The following NBEA variants were observed in gnomAD, a reference collection of about 807,000 sequenced individuals.
The protein encoded by NBEA is lysosomal-trafficking regulator 2.
A neutral mutation model predicts 343.4 loss-of-function variants in NBEA; 44 were observed. The ratio of observed to expected loss-of-function variants is 0.13; its 90% CI spans 0.10 to 0.16. NBEA has a LOEUF of 0.16. Among genes scored for constraint, NBEA ranks in the 10% least tolerant of loss-of-function variants. The probability of loss-of-function intolerance (pLI) is 1.00; values close to 1 mark genes in which losing one functional copy is unlikely to be tolerated. For synonymous variants in NBEA, 1,175 were observed against 1,238.7 expected (o/e 0.95, Z 1.08); for missense variants, 2,555 against 3,631.3 (o/e 0.70, Z 7.62).
chr13:35,523,170 A>G (rs1393515873), intron 41 of NBEA, among the ~76,000 whole-genome samples: 1 of 152,160 alleles, frequency 6.6e-6, no homozygotes, highest in Non-Finnish European at 1.5e-5. Flanking sequence ...TATACAAAAT[A>G]CTGTGCCAGA....
chr13:35,026,292 G>T (rs908296045), intron 1 of NBEA, among the ~76,000 whole-genome samples: 1 of 152,014 alleles, frequency 6.6e-6, no homozygotes, highest in Non-Finnish European at 1.5e-5. Context: ...TTTATAAATT[G>T]CCCAGTCTCA....
intron 38 of NBEA, among the ~76,000 whole-genome samples, chr13:35,414,527 A>G (rs1167578092): frequency 2.0e-5 from 3 of 152,270 alleles, no homozygotes; most frequent in East Asian, 3.9e-4. Flanking sequence ...GATGGTTTCC[A>G]GCTTCATCCA....
intron 34 of NBEA, among the ~76,000 whole-genome samples, chr13:35,243,710 A>G (rs1419317120): frequency 6.6e-6 from 1 of 151,956 alleles, no homozygotes; most frequent in Non-Finnish European, 1.5e-5. Context: ...TGTAACAACT[A>G]TAAATTTATA....
chr13:35,147,712 A>G (rs2068522037), intron 18 of NBEA, among the ~76,000 whole-genome samples: 1 of 152,154 alleles, frequency 6.6e-6, no homozygotes, highest in Admixed American at 6.6e-5. Flanking sequence ...CCTAATTCCA[A>G]CTAATTAGTT....
chr13:35,110,145 C>A (rs567869350), intron 12 of NBEA, among the ~76,000 whole-genome samples: 1 of 147,886 alleles, frequency 6.8e-6, no homozygotes. Flanking sequence ...CATGCTGGTG[C>A]GCTGCACCCA....
chr13:35,065,550 C>G (rs1431104917), intron 8 of NBEA, among the ~76,000 whole-genome samples: 1 of 151,772 alleles, frequency 6.6e-6, no homozygotes, highest in Non-Finnish European at 1.5e-5. Context: ...CTTCTATTTC[C>G]TTGCTTTGGT....
rs775029634 is a variant in NBEA, at chr13:35,155,841, A to G, written c.2513A>G (p.Lys838Arg). 1 of 1,611,372 alleles carries G rather than the reference A, an allele frequency of 6.2e-7. No individual in the cohort carries two copies. The highest frequency in any genetic ancestry group is 1.1e-5 in the South Asian group (1 of 91,022). The change falls in exon 19 of 59, where the codon AAA becomes AGA. Residue 838 changes from lysine to arginine, a missense_variant. By Grantham distance (26) the Lys-to-Arg change is conservative. Transcript: ENST00000379939. ...KPHPEPDSTV[K>R]IQNPMILKVV... ...CATCCAGAGCCAGATTCTACAGTGA[A>G]AATTCAGAATCCAAGTGAGCAAATG...
chr13:35,318,085 G>A (rs1163648023), intron 36 of NBEA, among the ~76,000 whole-genome samples: 3 of 151,702 alleles, frequency 2.0e-5, no homozygotes, highest in East Asian at 3.9e-4. Flanking sequence ...ATTTGAATAC[G>A]CTTTATTTCT....
At chr13:35,009,626 A>G (rs547205038) in intron 1 of NBEA, among the ~76,000 whole-genome samples, 30 of 152,236 alleles carry the variant, frequency 2.0e-4, no homozygotes, top group Non-Finnish European at 2.2e-4. Flanking sequence ...TTTTATTAGA[A>G]CAGAGTTGGG....
rs2067907332 is a variant in NBEA, at chr13:35,138,981, T to C, written c.2337-3288T>C. ...TAATGATTATGTCTGGGTTGAAGAA[T>C]TATGGGGTTTCTTTTCTTTCTTTAT... On this transcript the variant is annotated intron_variant, in intron 17 of 58. Transcript: ENST00000379939. Among the ~76,000 whole-genome samples the C allele has an allele frequency of 2.0e-5, 3 of 152,018 alleles. No individual in the cohort carries two copies. In the South Asian group the frequency reaches 6.2e-4, roughly 32 times the overall value.
chr13:35,141,159 C>G (rs975699437), intron 17 of NBEA, among the ~76,000 whole-genome samples: 1 of 152,200 alleles, frequency 6.6e-6, no homozygotes, highest in African/African-American at 2.4e-5. Context: ...TTAGTGATTA[C>G]TTTGTCAGGC....
chr13:35,104,669 C>T (rs2152649298), intron 11 of NBEA, among the ~76,000 whole-genome samples: 1 of 151,894 alleles, frequency 6.6e-6, no homozygotes, highest in South Asian at 2.1e-4. Flanking sequence ...TGGTTAACTG[C>T]CACTTAGCTT....
intron 17 of NBEA, among the ~76,000 whole-genome samples, chr13:35,125,913 C>T (rs957110014): frequency 7.2e-5 from 11 of 152,030 alleles, no homozygotes; most frequent in Non-Finnish European, 1.6e-4. Context: ...CCAGCTACTC[C>T]GGAGGCTTAC....
chr13:35,132,229 C>G (rs1221355862), intron 17 of NBEA, among the ~76,000 whole-genome samples: 3 of 152,142 alleles, frequency 2.0e-5, no homozygotes, highest in Admixed American at 6.5e-5. Flanking sequence ...ACGATCTCCG[C>G]TCACTGAAAC....
intron 38 of NBEA, among the ~76,000 whole-genome samples, chr13:35,424,484 T>G (rs1318431273): frequency 6.6e-6 from 1 of 152,196 alleles, no homozygotes; most frequent in African/African-American, 2.4e-5. Flanking sequence ...CAGCCTTCTA[T>G]CCCAGGGATG....
intron 10 of NBEA, among the ~76,000 whole-genome samples, chr13:35,078,651 T>C (rs895483901): frequency 6.6e-6 from 1 of 152,174 alleles, no homozygotes; most frequent in Non-Finnish European, 1.5e-5. Flanking sequence ...ATAATCTTCT[T>C]ACTGAGATGG....
intron 1 of NBEA, among the ~76,000 whole-genome samples, chr13:34,985,574 C>G (rs1000844290): frequency 6.6e-6 from 1 of 150,850 alleles, no homozygotes; most frequent in African/African-American, 2.4e-5. Flanking sequence ...AGGGAGGATT[C>G]CCTCTTTTTC....
At chr13:35,196,634 G>A (rs1468405620) in intron 31 of NBEA, among the ~76,000 whole-genome samples, 1 of 152,048 alleles carries the variant, frequency 6.6e-6, no homozygotes, top group East Asian at 1.9e-4. Flanking sequence ...TAATGGGGAA[G>A]GGGATGGGTC....
At chr13:34,995,744 C>G (rs1054428374) in intron 1 of NBEA, among the ~76,000 whole-genome samples, 17 of 152,192 alleles carry the variant, frequency 1.1e-4, no homozygotes, top group African/African-American at 3.6e-4. Flanking sequence ...AGTACACGCT[C>G]AAGTTTCATT....
Sources: allele counts gnomAD v4.1 joint callset (sites outside exome capture counted in the v4.1 genomes callset), GRCh38; gene constraint gnomAD v4.1.1; transcripts MANE v1.5; gene names NCBI Gene and HGNC (gene_info 2026-07-23, HGNC 2026-07-21).